The following ROR1 variants were observed in gnomAD, a reference collection of about 807,000 sequenced individuals.
ROR1 encodes the protein inactive tyrosine-protein kinase transmembrane receptor ROR1.
A neutral mutation model predicts 78.8 loss-of-function variants in ROR1; 19 were observed. The observed-to-expected ratio is 0.24, with a 90% CI of 0.17 to 0.35. The LOEUF (loss-of-function observed/expected upper bound fraction) is 0.35, where lower values mean the gene tolerates loss of function less well. Ranked by LOEUF, ROR1 falls within the 10% of genes least tolerant of loss-of-function variation. The pLI, the probability that ROR1 is intolerant of heterozygous loss-of-function variation, is 1.00. For missense variants in ROR1, 917 were observed against 1,177.8 expected (o/e 0.78, Z 3.24); for synonymous variants, 386 against 433.6 (o/e 0.89, Z 1.36).
chr1:63,825,279 T>A (rs370888381), intron 1 of ROR1, among the ~76,000 whole-genome samples: 3 of 152,326 alleles, frequency 2.0e-5, no homozygotes, highest in East Asian at 3.9e-4. Context: ...ACAACCTAAA[T>A]GTTCATCAAC....
Position 64,181,140 on chromosome 1 carries a change from CTA to C in ROR1, c.*2287_*2288del, listed in dbSNP as rs893320729. ...TCTTTTTCTCCTTTTTTGCACAAAA[CTA>C]TGCTTATGGTTTGTGTCACAGAAGT... On this transcript the variant is annotated 3_prime_UTR_variant, in exon 9 of 9. Transcript: ENST00000371079. The C allele has an allele frequency of 4.6e-5, 7 of 151,968 alleles. No homozygotes were observed. Among genetic ancestry groups the C allele is most frequent in the Non-Finnish European group, 1.0e-4 (7 of 67,944 alleles). 9.4% of individuals were successfully genotyped at this position (151,968 alleles called of 1,614,324 possible). A position where few individuals can be genotyped will look rare whatever the true frequency, so the allele number is the denominator to read the frequency against.
chr1:64,140,022 T>C, intron 5 of ROR1, 87 bp from the exon 6 acceptor site: 1 of 1,221,004 alleles, frequency 8.2e-7, no homozygotes, highest in Non-Finnish European at 1.2e-6. Context: ...CCTTGCAATG[T>C]GTGTTTATAT....
intron 5 of ROR1, among the ~76,000 whole-genome samples, chr1:64,139,887 A>G (rs1649244619): frequency 6.6e-6 from 1 of 152,210 alleles, no homozygotes; most frequent in Admixed American, 6.5e-5. Context: ...GTACATATGT[A>G]ATTTAATCCT....
intron 1 of ROR1, among the ~76,000 whole-genome samples, chr1:63,781,753 A>G (rs1481727473): frequency 6.6e-6 from 1 of 152,242 alleles, no homozygotes; most frequent in Non-Finnish European, 1.5e-5. Flanking sequence ...TTATGTAGCC[A>G]GTGAGAGGCC....
chr1:64,092,528 A>G (rs944614195), intron 4 of ROR1, among the ~76,000 whole-genome samples: 2 of 152,124 alleles, frequency 1.3e-5, no homozygotes, highest in African/African-American at 2.4e-5. Context: ...CCTACAAGGG[A>G]TGTTATGGTA....
At chr1:64,166,319 C>T (rs571812492) in intron 8 of ROR1, among the ~76,000 whole-genome samples, 1 of 152,184 alleles carries the variant, frequency 6.6e-6, no homozygotes, top group South Asian at 2.1e-4. Context: ...CAGCTTTGTT[C>T]TTTTTTCTTG....
intron 4 of ROR1, among the ~76,000 whole-genome samples, chr1:64,062,212 G>A (rs1231087487): frequency 2.6e-5 from 4 of 152,214 alleles, no homozygotes; most frequent in African/African-American, 9.6e-5. Context: ...GACTGCCTGT[G>A]TTTTGAATTG....
intron 4 of ROR1, among the ~76,000 whole-genome samples, chr1:64,070,470 C>A (rs1388994927): frequency 6.6e-6 from 1 of 152,088 alleles, no homozygotes; most frequent in South Asian, 2.1e-4. Context: ...CGTGCACCAC[C>A]ACACCCAGTT....
chr1:63,915,714 C>T (rs1265148843), intron 1 of ROR1, among the ~76,000 whole-genome samples: 2 of 152,052 alleles, frequency 1.3e-5, no homozygotes, highest in Non-Finnish European at 2.9e-5. Context: ...GTACTGCTTC[C>T]CTGGGTTTGG....
intron 1 of ROR1, among the ~76,000 whole-genome samples, chr1:63,992,061 A>C (rs1646300464): frequency 6.6e-6 from 1 of 152,102 alleles, no homozygotes; most frequent in Non-Finnish European, 1.5e-5. Context: ...TTCTTTTGAT[A>C]CATGTTTTTA....
At chr1:64,064,068 G>A (rs1353188704) in intron 4 of ROR1, among the ~76,000 whole-genome samples, 3 of 152,204 alleles carry the variant, frequency 2.0e-5, no homozygotes, top group Non-Finnish European at 4.4e-5. Flanking sequence ...AATCAGGAAA[G>A]CAGAACAAAT....
At chr1:64,019,641 A>T (rs72914944) in intron 2 of ROR1, among the ~76,000 whole-genome samples, 4,880 of 152,276 alleles carry the variant, frequency 0.032, 279 homozygotes, top group African/African-American at 0.11. Context: ...AATAGCTACC[A>T]TCTATCGAGG....
chr1:63,836,703 G>A (rs1645020615), intron 1 of ROR1, among the ~76,000 whole-genome samples: 1 of 152,130 alleles, frequency 6.6e-6, no homozygotes, highest in African/African-American at 2.4e-5. Flanking sequence ...ATTTAAAGAG[G>A]TTAACATTCT....
intron 1 of ROR1, among the ~76,000 whole-genome samples, chr1:63,901,105 C>T (rs946558574): frequency 7.2e-5 from 11 of 152,114 alleles, no homozygotes; most frequent in Non-Finnish European, 1.2e-4. Context: ...TTCTGTCTCC[C>T]GGGACCTGGC....
At chr1:64,073,232 G>A (rs1031409777) in intron 4 of ROR1, among the ~76,000 whole-genome samples, 1 of 152,182 alleles carries the variant, frequency 6.6e-6, no homozygotes, top group Non-Finnish European at 1.5e-5. Flanking sequence ...TGGAAGGTCA[G>A]TGAACCCCTG....
chr1:63,992,555 A>T (rs1027610990), intron 1 of ROR1, among the ~76,000 whole-genome samples: 1 of 152,206 alleles, frequency 6.6e-6, no homozygotes, highest in Non-Finnish European at 1.5e-5. Flanking sequence ...GTGCTTAAAG[A>T]GATGGACTGT....
At chr1:63,793,559 G>T (rs181935820) in intron 1 of ROR1, among the ~76,000 whole-genome samples, 14 of 152,364 alleles carry the variant, frequency 9.2e-5, no homozygotes, top group African/African-American at 3.1e-4. Context: ...CCTACTATGT[G>T]CCAGGCACAG....
chr1:63,779,597 A>G (rs549964652), intron 1 of ROR1, among the ~76,000 whole-genome samples: 3 of 152,330 alleles, frequency 2.0e-5, no homozygotes, highest in Admixed American at 6.5e-5. Flanking sequence ...ACTGACTTGC[A>G]TGCCAGGAAT....
At chr1:63,911,679 G>T (rs935718715) in intron 1 of ROR1, among the ~76,000 whole-genome samples, 21 of 151,938 alleles carry the variant, frequency 1.4e-4, no homozygotes, top group African/African-American at 5.1e-4. Flanking sequence ...AGATACTGTT[G>T]GTTGTAGTAT....
Sources: gnomAD v4.1 joint callset for allele counts (sites outside exome capture counted in the v4.1 genomes callset) on GRCh38, gnomAD v4.1.1 for gene constraint, MANE v1.5 for transcripts, NCBI Gene and HGNC (gene_info 2026-07-23, HGNC 2026-07-21) for gene names.